NMS: variants seen among roughly 807,000 people sequenced by gnomAD.
NMS encodes neuromedin S.
Under a neutral mutation model 32.2 loss-of-function variants are expected in NMS, and 30 were observed. The ratio of observed to expected loss-of-function variants is 0.93; its 90% confidence interval spans 0.70 to 1.26. NMS has a LOEUF of 1.26. Among genes scored for constraint, NMS ranks in the 50% most tolerant of loss-of-function variants. The pLI is 0.00. For missense variants in NMS, 190 were observed against 186.3 expected, an observed-to-expected ratio of 1.02 and a Z score of -0.12; for synonymous variants, 76 against 58.5, an observed-to-expected ratio of 1.30 and a Z score of -1.37.
chr2:100,479,525 T>A (rs1677176502), intron 6 of NMS, 98 bp downstream of exon 6: 1 of 1,053,842 alleles, frequency 9.5e-7, no homozygotes, highest in Admixed American at 2.4e-5. Flanking sequence ...TGTCATTCTC[T>A]CCTCAAATCT....
At chr2:100,480,351 C>T (rs1677193192) in intron 6 of NMS, 145 bp from the exon 7 acceptor site, 6 of 756,900 alleles carry the variant, frequency 7.9e-6, no homozygotes, top group South Asian at 1.8e-5. Flanking sequence ...GTGATCCCAC[C>T]ATTTGCCATG....
Position 100,482,311 on chromosome 2 carries a change from A to G in NMS, c.449A>G (p.Gln150Arg), listed in dbSNP as rs1261651831. The change falls in exon 9 of 10, where the codon CAG (glutamine) becomes CGG (arginine). Residue 150 changes from glutamine to arginine, a missense_variant and splice_region_variant. By Grantham distance (43) the Gln-to-Arg change is conservative. Coordinates refer to ENST00000376865, the MANE Select transcript of NMS (RefSeq NM_001011717.1). ...RNGRNIEDEAQIQW is the reference protein window; with the variant it reads ...RNGRNIEDEARIQW Reference sequence around the variant, plus strand: ...GGAAGAAACATTGAAGATGAGGCCCAGTAGGTAGTCCAAGATCAGCTTCAT... The same window carrying G: ...GGAAGAAACATTGAAGATGAGGCCCGGTAGGTAGTCCAAGATCAGCTTCAT... The G allele has an allele frequency of 6.2e-7, 1 of 1,613,628 alleles. No individual in the cohort carries two copies. The highest frequency in any genetic ancestry group is 1.7e-5 in the Admixed American group (1 of 59,998).
Position 100,477,353 on chromosome 2 carries a change from T to C in NMS, c.208-8T>C. The C allele has an allele frequency of 6.2e-7, 1 of 1,613,218 alleles. No individual in the cohort carries two copies. The highest frequency in any genetic ancestry group is 1.1e-5 in the South Asian group (1 of 90,982). On this transcript the variant is annotated splice_region_variant and splice_polypyrimidine_tract_variant and intron_variant, in intron 4 of 9. Transcript: ENST00000376865. ...TCGATACTAATATCACTTTCTTTTC[T>C]TATTTAGTTTTTGTTTCACTACTCC...
intron 3 of NMS, among the ~76,000 whole-genome samples, chr2:100,476,221 G>A (rs1444741636): frequency 6.6e-6 from 1 of 152,126 alleles, no homozygotes; most frequent in Non-Finnish European, 1.5e-5. Flanking sequence ...GTGAACAGAT[G>A]CTGACAAGAA....
In NMS at chr2:100,477,259, T is replaced by C. The variant is rs761600296; in HGVS notation, c.199T>C (p.Tyr67His). The change falls in exon 4 of 10, where the codon TAC becomes CAC. Residue 67 changes from tyrosine (Y) to histidine (H), a missense_variant. Physicochemically the swap from Tyr to His is moderately conservative, Grantham distance 83. Coordinates refer to ENST00000376865, the MANE Select transcript of NMS (RefSeq NM_001011717.1). ...CTCTTTCCAGGATAATCAAGACATA[T>C]ACAAAAGGGTGAGTACCACCTAGCC... ...SRQPKDNQDI[Y>H]KRFLFHYSRT... 1.9e-6 allele frequency: 3 copies of C among 1,613,486 alleles called. No homozygotes were observed. Among genetic ancestry groups the C allele is most frequent in the African/African-American group, 2.7e-5 (2 of 74,892 alleles).
At chr2:100,481,676 C>G (rs948224049) in intron 8 of NMS, among the ~76,000 whole-genome samples, 1 of 152,198 alleles carries the variant, frequency 6.6e-6, no homozygotes, top group South Asian at 2.1e-4. Flanking sequence ...CCATGCCCCC[C>G]AGAAACTGCA....
intron 6 of NMS, among the ~76,000 whole-genome samples, chr2:100,480,292 C>T (rs1393056301): frequency 1.3e-5 from 2 of 152,378 alleles, no homozygotes; most frequent in Admixed American, 6.5e-5. Flanking sequence ...TCAGTCAAGA[C>T]GACAAGCTTG....
intron 5 of NMS, 99 bp from the exon 6 acceptor site, chr2:100,479,254 G>A (rs1677169837): frequency 3.8e-6 from 3 of 787,096 alleles, no homozygotes; most frequent in Admixed American, 3.0e-5. Context: ...CCATTTGTAA[G>A]GGAAGTGAGT....
chr2:100,476,440 G>T (rs889391089), intron 3 of NMS, among the ~76,000 whole-genome samples: 2 of 152,152 alleles, frequency 1.3e-5, no homozygotes, highest in African/African-American at 4.8e-5. Context: ...TTCCACTGAA[G>T]AAATTCTCCA....
intron 9 of NMS, 150 bp from the exon 10 acceptor site, chr2:100,483,102 C>A: frequency 1.5e-6 from 1 of 671,274 alleles, no homozygotes; most frequent in Non-Finnish European, 2.6e-6. Flanking sequence ...CTTGTAAGTA[C>A]TGATTGTGGG....
In NMS at chr2:100,476,749, G is replaced by A. The variant is rs569916800; in HGVS notation, c.184-495G>A. ...TGCAGCCATCATCTACGCAAGCCAG[G>A]GCTGAGGTGCGTGCACTGGCAAGGA... On this transcript the variant is annotated intron_variant, in intron 3 of 9. Transcript: ENST00000376865. 2.0e-5 allele frequency among the ~76,000 whole-genome samples: 3 copies of A among 152,264 alleles called. No homozygotes were observed. In the East Asian group the frequency reaches 5.8e-4, roughly 29 times the overall value.
At chr2:100,471,844 T>C (rs1465591670) in intron 1 of NMS, among the ~76,000 whole-genome samples, 1 of 152,236 alleles carries the variant, frequency 6.6e-6, no homozygotes, top group Non-Finnish European at 1.5e-5. Flanking sequence ...ATAAGACTAA[T>C]ATCTCTTACT....
At chr2:100,474,997 C>T (rs1363662600) in intron 3 of NMS, among the ~76,000 whole-genome samples, 1 of 152,188 alleles carries the variant, frequency 6.6e-6, no homozygotes, top group Non-Finnish European at 1.5e-5. Flanking sequence ...TCCTCTGCAC[C>T]AGCAGAGGCA....
rs546069058 is a variant in NMS at position 100,480,523 on chromosome 2, A to C, written c.364A>C (p.Thr122Pro). ...RGSGTAAVDF[T>P]KKDHTATWGR... Reference sequence around the variant, plus strand: ...CTCGGGGACTGCTGCAGTGGACTTCACCAAGAAGGTACACAAGAGCCTTGG... The same window carrying C: ...CTCGGGGACTGCTGCAGTGGACTTCCCCAAGAAGGTACACAAGAGCCTTGG... Residue 122 changes from threonine (T) to proline (P), a missense_variant, in exon 7 of 10, where the codon ACC (threonine) becomes CCC (proline). Coordinates refer to ENST00000376865, the MANE Select transcript of NMS (RefSeq NM_001011717.1). 266 of 1,613,042 alleles carry C rather than the reference A, an allele frequency of 1.6e-4. 4 individuals carry two copies. The South Asian group carries it at 2.9e-3, about 17-fold the overall frequency.
intron 3 of NMS, among the ~76,000 whole-genome samples, chr2:100,476,446 C>T (rs1367049848): frequency 6.6e-6 from 1 of 152,138 alleles, no homozygotes; most frequent in Non-Finnish European, 1.5e-5. Flanking sequence ...TGAAGAAATT[C>T]TCCACAAAGT....
chr2:100,471,043 A>G (rs139674085), intron 1 of NMS, among the ~76,000 whole-genome samples: 65 of 152,296 alleles, frequency 4.3e-4, no homozygotes, highest in African/African-American at 1.5e-3. Context: ...TGGGTTTTAG[A>G]GAAGCAGGGT....
intron 2 of NMS, 72 bp from the exon 3 acceptor site, chr2:100,473,417 A>T: frequency 2.6e-6 from 2 of 775,852 alleles, no homozygotes; most frequent in Non-Finnish European, 4.0e-6. Flanking sequence ...ATTGTATTTG[A>T]TTACCCATTA....
In NMS at chr2:100,477,346, T is replaced by C; in HGVS notation, c.208-15T>C. On this transcript the variant is annotated splice_polypyrimidine_tract_variant and intron_variant, in intron 4 of 9. Transcript: ENST00000376865. The stretch of plus-strand genomic sequence containing the variant: ...GTGACACTCGATACTAATATCACTT[T>C]CTTTTCTTATTTAGTTTTTGTTTCA... The C allele has an allele frequency of 6.2e-7, 1 of 1,612,910 alleles. No individual in the cohort carries two copies. Among genetic ancestry groups the C allele is most frequent in the South Asian group, 1.1e-5 (1 of 91,002 alleles).
At chr2:100,473,595 A>C in intron 3 of NMS, 56 bp downstream of exon 3, 1 of 636,566 alleles carries the variant, frequency 1.6e-6, no homozygotes, top group Admixed American at 4.4e-5. Context: ...TGCAACAAAC[A>C]CACTCTTTTG....
Sources: allele counts gnomAD v4.1 joint callset (sites outside exome capture counted in the v4.1 genomes callset), GRCh38; gene constraint gnomAD v4.1.1; transcripts MANE v1.5; gene names NCBI Gene and HGNC (gene_info 2026-07-23, HGNC 2026-07-21).